MTUS2: variants seen among roughly 807,000 people sequenced by gnomAD.
MTUS2 encodes the protein microtubule associated scaffold protein 2.
In MTUS2, 40 loss-of-function variants were observed where a neutral mutation model predicts 114.1. The ratio of observed to expected loss-of-function variants is 0.35; its 90% CI spans 0.27 to 0.46. The LOEUF (loss-of-function observed/expected upper bound fraction) is 0.46, where lower values mean the gene tolerates loss of function less well. Among genes scored for constraint, MTUS2 ranks in the 20% least tolerant of loss-of-function variants. The pLI is 1.00. For missense variants in MTUS2, 1,679 were observed against 1,705.4 expected, an observed-to-expected ratio of 0.98 and a Z score of 0.27; for synonymous variants, 688 against 672.0, an observed-to-expected ratio of 1.02 and a Z score of -0.37.
At position 29,241,576 on chromosome 13, in the gene MTUS2, C is replaced by T. The variant is rs144612348; in HGVS notation, c.2645-40128C>T. On this transcript the variant is annotated intron_variant, in intron 5 of 15. Coordinates refer to ENST00000612955, the MANE Select transcript of MTUS2 (RefSeq NM_001033602.4). ...ATTGACATTTCAGTCTCTCTTCAAA[C>T]CCCTGCCTACCCAGTACAGATTTCT... Among the ~76,000 whole-genome samples, 782 of 152,246 alleles carry T rather than the reference C, an allele frequency of 5.1e-3. 7 individuals carry two copies. Among genetic ancestry groups the T allele is most frequent in the African/African-American group, 0.018 (746 of 41,532 alleles).
intron 4 of MTUS2, among the ~76,000 whole-genome samples, chr13:29,046,886 G>T (rs376674176): frequency 2.6e-5 from 4 of 151,648 alleles, no homozygotes; most frequent in Non-Finnish European, 5.9e-5. Context: ...TTTCTTTTAC[G>T]TGCCCACCTT....
chr13:29,500,768 A>G (rs886950265), intron 14 of MTUS2, among the ~76,000 whole-genome samples: 1 of 150,820 alleles, frequency 6.6e-6, no homozygotes, highest in South Asian at 2.1e-4. Flanking sequence ...GACATTCACT[A>G]TAAGAAATAC....
intron 5 of MTUS2, among the ~76,000 whole-genome samples, chr13:29,176,851 A>C (rs1893795889): frequency 6.6e-6 from 1 of 151,292 alleles, no homozygotes; most frequent in South Asian, 2.1e-4. Context: ...TTGGCACAGC[A>C]GCCTCCCTGC....
intron 4 of MTUS2, among the ~76,000 whole-genome samples, chr13:29,074,216 C>T (rs2138701605): frequency 6.6e-6 from 1 of 152,322 alleles, no homozygotes; most frequent in Admixed American, 6.5e-5. Context: ...TCTGCAGTTT[C>T]TGCTCCCCTA....
At chr13:28,995,508 G>A (rs539252987) in intron 2 of MTUS2, among the ~76,000 whole-genome samples, 30 of 152,182 alleles carry the variant, frequency 2.0e-4, no homozygotes, top group South Asian at 6.2e-4. Flanking sequence ...CCATTTTCAC[G>A]ATATTGATTC....
intron 8 of MTUS2, among the ~76,000 whole-genome samples, chr13:29,366,705 A>C (rs1870750838): frequency 6.6e-6 from 1 of 152,208 alleles, no homozygotes; most frequent in South Asian, 2.1e-4. Flanking sequence ...GAGCATCTGA[A>C]TCATGAGTCT....
chr13:28,910,079 A>C (rs531939171), intron 2 of MTUS2, among the ~76,000 whole-genome samples: 8 of 152,148 alleles, frequency 5.3e-5, no homozygotes, highest in African/African-American at 1.9e-4. Flanking sequence ...TTAAACTATT[A>C]CTGACTGTAG....
intron 8 of MTUS2, among the ~76,000 whole-genome samples, chr13:29,387,387 G>A (rs1290699655): frequency 6.6e-6 from 1 of 152,186 alleles, no homozygotes; most frequent in Non-Finnish European, 1.5e-5. Context: ...GCCTAAGCAG[G>A]AAGGATGGAG....
intron 4 of MTUS2, among the ~76,000 whole-genome samples, chr13:29,056,322 CA>C (rs1184501961): frequency 6.6e-6 from 1 of 152,082 alleles, no homozygotes; most frequent in African/African-American, 2.4e-5. Context: ...ACCCCAGCGC[CA>C]TTTATTGAAT....
chr13:29,030,327 C>A (rs1886759008), intron 3 of MTUS2, among the ~76,000 whole-genome samples: 1 of 152,150 alleles, frequency 6.6e-6, no homozygotes, highest in Admixed American at 6.5e-5. Context: ...TCGAGCATCC[C>A]AAAGTCTTCT....
chr13:29,492,031 TA>T (rs1208868774), intron 11 of MTUS2, among the ~76,000 whole-genome samples: 10,352 of 128,850 alleles, frequency 0.08, 550 homozygotes, highest in Non-Finnish European at 0.12. Context: ...GGTGTGTGTG[TA>T]GTGTGTGTGT....
chr13:29,228,753 G>C (rs370441111), intron 5 of MTUS2, among the ~76,000 whole-genome samples: 2 of 152,020 alleles, frequency 1.3e-5, no homozygotes, highest in Non-Finnish European at 2.9e-5. Flanking sequence ...AAGGAGAAGG[G>C]GGGGAAGAAA....
intron 5 of MTUS2, among the ~76,000 whole-genome samples, chr13:29,203,934 C>A (rs1364442618): frequency 6.6e-6 from 1 of 151,944 alleles, no homozygotes; most frequent in Admixed American, 6.6e-5. Flanking sequence ...CTGCATTGAT[C>A]TTGCTGGGAG....
At chr13:29,212,080 G>A (rs991235728) in intron 5 of MTUS2, among the ~76,000 whole-genome samples, 1 of 152,002 alleles carries the variant, frequency 6.6e-6, no homozygotes, top group Non-Finnish European at 1.5e-5. Context: ...TATGTGTTTA[G>A]TACATAAATT....
intron 5 of MTUS2, among the ~76,000 whole-genome samples, chr13:29,281,415 A>G (rs1033716391): frequency 7.5e-4 from 101 of 135,316 alleles, no homozygotes; most frequent in Non-Finnish European, 1.3e-3. Flanking sequence ...GTATGTATGT[A>G]TGTCTGTGTG....
chr13:29,487,847 T>G (rs1009500417), intron 10 of MTUS2, 53 bp from the exon 11 acceptor site: 1 of 1,401,152 alleles, frequency 7.1e-7, no homozygotes, highest in African/African-American at 1.4e-5. Context: ...GGAATTCCAC[T>G]TCTGTTCTCC....
At chr13:29,500,921 AG>A (rs1179234817) in intron 14 of MTUS2, among the ~76,000 whole-genome samples, 175 bp from the exon 15 acceptor site, 1 of 152,226 alleles carries the variant, frequency 6.6e-6, no homozygotes, top group Non-Finnish European at 1.5e-5. Context: ...TTTCATTTAA[AG>A]AAGAAATGCT....
chr13:29,301,436 T>A (rs1899201143), intron 6 of MTUS2, among the ~76,000 whole-genome samples: 2 of 152,232 alleles, frequency 1.3e-5, no homozygotes, highest in African/African-American at 4.8e-5. Flanking sequence ...AAGAGTGGTC[T>A]ACACATTTTT....
intron 7 of MTUS2, among the ~76,000 whole-genome samples, chr13:29,326,042 CA>C (rs1900498043): frequency 6.6e-6 from 1 of 152,162 alleles, no homozygotes; most frequent in African/African-American, 2.4e-5. Flanking sequence ...GGACAGGAGA[CA>C]AAGCCTGGTA....
Sources: gnomAD v4.1 joint callset for allele counts (sites outside exome capture counted in the v4.1 genomes callset) on GRCh38, gnomAD v4.1.1 for gene constraint, MANE v1.5 for transcripts, NCBI Gene and HGNC (gene_info 2026-07-23, HGNC 2026-07-21) for gene names.